Variants in ARAP2 observed in about 807,000 individuals in gnomAD.
ARAP2 encodes ArfGAP with RhoGAP domain, ankyrin repeat and PH domain 2.
A neutral mutation model predicts 194.5 loss-of-function variants in ARAP2; 148 were observed. That is an observed-to-expected ratio of 0.76 (90% CI 0.67 to 0.87). The LOEUF (loss-of-function observed/expected upper bound fraction) is 0.87, where lower values mean the gene tolerates loss of function less well. ARAP2 is among the 40% of genes least tolerant of loss of function. ARAP2 has a pLI of 0.00. For synonymous variants in ARAP2, 695 were observed against 683.5 expected (o/e 1.02, Z -0.26); for missense variants, 2,128 against 1,989.7 (o/e 1.07, Z -1.32).
intron 31 of ARAP2, among the ~76,000 whole-genome samples, chr4:36,078,166 T>TG (rs1358004987): frequency 7.0e-4 from 107 of 152,344 alleles, no homozygotes; most frequent in African/African-American, 2.4e-3. Flanking sequence ...TCAAATATGA[T>TG]GAAGAGTCCT....
intron 32 of ARAP2, among the ~76,000 whole-genome samples, chr4:36,071,578 A>C (rs1172691054): frequency 2.0e-5 from 3 of 152,160 alleles, no homozygotes; most frequent in East Asian, 3.8e-4. Context: ...TTAGCCACAA[A>C]ATTTATCAAT....
chr4:36,064,794 C>T (rs1725125623), downstream of ARAP2, among the ~76,000 whole-genome samples: 2 of 152,186 alleles, frequency 1.3e-5, no homozygotes, highest in Non-Finnish European at 2.9e-5. Context: ...AGGCTCCCCA[C>T]CTCTTGGGTC....
intron 9 of ARAP2, among the ~76,000 whole-genome samples, chr4:36,168,578 TC>T (rs927917688): frequency 1.3e-5 from 2 of 152,190 alleles, no homozygotes; most frequent in African/African-American, 4.8e-5. Context: ...TGTAACAGTA[TC>T]CAGAGTTTCC....
chr4:36,200,715 G>C lies in ARAP2; in HGVS notation c.1488-7068C>G, dbSNP rs190625988. Among the ~76,000 whole-genome samples, 558 of 152,238 alleles carry C rather than the reference G, an allele frequency of 3.7e-3. 7 individuals are homozygous for C. The highest frequency in any genetic ancestry group is 0.013 in the African/African-American group (535 of 41,524). On this transcript the variant is annotated intron_variant, in intron 6 of 32. Transcript: ENST00000303965. ...TAATAAATATCAATGATTACTAAAT[G>C]TTTAAGAATTTTCTGTGCAAAAGTT... is the stretch of plus-strand genomic sequence containing the variant.
chr4:36,220,354 G>T (rs912753591), intron 2 of ARAP2, among the ~76,000 whole-genome samples: 27 of 152,164 alleles, frequency 1.8e-4, no homozygotes, highest in African/African-American at 6.3e-4. Context: ...AAGTGATGTT[G>T]TAGCCATTGC....
chr4:36,090,002 T>G (rs909434579), intron 28 of ARAP2, among the ~76,000 whole-genome samples: 5 of 151,998 alleles, frequency 3.3e-5, no homozygotes, highest in African/African-American at 1.2e-4. Flanking sequence ...TTACATATAT[T>G]ATTAGACCAC....
At chr4:36,074,881 CT>C (rs11296088) in intron 31 of ARAP2, among the ~76,000 whole-genome samples, 3,883 of 152,148 alleles carry the variant, frequency 0.026, 184 homozygotes, top group African/African-American at 0.089. Flanking sequence ...AACTGCCAAG[CT>C]GTATGTTTAT....
intron 2 of ARAP2, among the ~76,000 whole-genome samples, chr4:36,053,056 G>T (rs886094274): frequency 6.6e-6 from 1 of 152,046 alleles, no homozygotes; most frequent in Non-Finnish European, 1.5e-5. Flanking sequence ...TGCCCAGGCT[G>T]GAGTGCAGTG....
intron 2 of ARAP2, among the ~76,000 whole-genome samples, chr4:36,056,379 C>T (rs1193338074): frequency 6.6e-6 from 1 of 152,104 alleles, no homozygotes; most frequent in African/African-American, 2.4e-5. Flanking sequence ...TATTTAACTC[C>T]CTGGTGAAAT....
intron 19 of ARAP2, among the ~76,000 whole-genome samples, chr4:36,146,405 C>T (rs1283785840): frequency 1.3e-5 from 2 of 152,054 alleles, no homozygotes; most frequent in African/African-American, 2.4e-5. Context: ...AATATTCACA[C>T]ATCATGACCG....
chr4:36,011,515 A>G (rs1714546598), intron 9 of ARAP2, among the ~76,000 whole-genome samples: 1 of 152,144 alleles, frequency 6.6e-6, no homozygotes, highest in African/African-American at 2.4e-5. Flanking sequence ...GCCTTATTTT[A>G]TCACCAAACT....
intron 6 of ARAP2, among the ~76,000 whole-genome samples, chr4:36,017,564 TAAAAAAAA>T (rs71199694): frequency 2.3e-5 from 1 of 42,578 alleles, no homozygotes; most frequent in South Asian, 1.3e-3. Flanking sequence ...AAGAAAGTGG[TAAAAAAAA>T]AAAAAAAAAA....
chr4:36,081,414 T>C (rs1729525214), intron 30 of ARAP2, among the ~76,000 whole-genome samples: 2 of 152,128 alleles, frequency 1.3e-5, no homozygotes, highest in Admixed American at 1.3e-4. Context: ...CATGCAGATC[T>C]GAAACAGCAA....
intron 27 of ARAP2, among the ~76,000 whole-genome samples, chr4:36,094,647 A>G (rs999560950): frequency 6.6e-6 from 1 of 152,172 alleles, no homozygotes; most frequent in African/African-American, 2.4e-5. Flanking sequence ...AAGAAAGAAT[A>G]TGTGAAGGCA....
chr4:36,226,608 T>A (rs543766827), intron 2 of ARAP2, among the ~76,000 whole-genome samples: 1 of 152,230 alleles, frequency 6.6e-6, no homozygotes, highest in Admixed American at 6.5e-5. Context: ...TGGATCTTTA[T>A]CTCTTTATGA....
intron 1 of ARAP2, among the ~76,000 whole-genome samples, chr4:36,233,569 G>A (rs1751913904): frequency 6.6e-6 from 1 of 152,194 alleles, no homozygotes; most frequent in South Asian, 2.1e-4. Flanking sequence ...ACACAAGTTT[G>A]CAGTAAGACT....
chr4:36,042,961 G>T (rs1362286984), intron 5 of ARAP2, among the ~76,000 whole-genome samples: 1 of 151,434 alleles, frequency 6.6e-6, no homozygotes, highest in African/African-American at 2.4e-5. Context: ...TCCTGCCTCA[G>T]CCTACCAAGT....
intron 6 of ARAP2, among the ~76,000 whole-genome samples, chr4:36,016,708 T>C (rs1715871589): frequency 6.6e-6 from 1 of 152,138 alleles, no homozygotes; most frequent in African/African-American, 2.4e-5. Flanking sequence ...TGATCATGCG[T>C]TACGTTAAAA....
chr4:36,121,847 A>T (rs1722750926), intron 22 of ARAP2, among the ~76,000 whole-genome samples: 1 of 151,768 alleles, frequency 6.6e-6, no homozygotes, highest in South Asian at 2.1e-4. Context: ...CCATACAGCT[A>T]TTCTAAATAA....
Sources: allele counts gnomAD v4.1 joint callset (sites outside exome capture counted in the v4.1 genomes callset), GRCh38; gene constraint gnomAD v4.1.1; transcripts MANE v1.5; gene names NCBI Gene and HGNC (gene_info 2026-07-23, HGNC 2026-07-21).